The following MRPL13 variants were observed in gnomAD, a reference collection of about 807,000 sequenced individuals.
MRPL13 encodes the protein mitochondrial ribosomal protein L13, also known as large ribosomal subunit protein uL13m.
Under a neutral mutation model 29.0 loss-of-function variants are expected in MRPL13, and 33 were observed. The ratio of observed to expected loss-of-function variants is 1.14; its 90% confidence interval spans 0.86 to 1.52. MRPL13 has a LOEUF of 1.52. Ranked by LOEUF, MRPL13 falls within the 40% of genes most tolerant of loss-of-function variation. The pLI is 0.00. For synonymous variants in MRPL13, 77 were observed against 68.4 expected, an observed-to-expected ratio of 1.13 and a Z score of -0.62; for missense variants, 227 against 216.7, an observed-to-expected ratio of 1.05 and a Z score of -0.30.
intron 2 of MRPL13, among the ~76,000 whole-genome samples, chr8:120,442,482 A>T (rs540089526): frequency 6.6e-6 from 1 of 152,320 alleles, no homozygotes; most frequent in African/African-American, 2.4e-5. Context: ...TCTTTAAAAT[A>T]TCACATATTT....
In MRPL13 at chr8:120,395,824, T is replaced by C. The variant is rs1812516054; in HGVS notation, c.*280A>G. 7.1e-6 allele frequency: 2 copies of C among 283,454 alleles called. No homozygotes were observed. Among genetic ancestry groups the C allele is most frequent in the Non-Finnish European group, 6.5e-6 (1 of 153,916 alleles). 17.6% of individuals were successfully genotyped at this position (283,454 alleles called of 1,614,324 possible). On this transcript the variant is annotated 3_prime_UTR_variant, in exon 7 of 7. Coordinates refer to ENST00000306185, the MANE Select transcript of MRPL13 (RefSeq NM_014078.6). ...TTCTATACACAGGGTCTGTTTTTTA[T>C]CATTAAATGCAACACTAAATAGTCA...
chr8:120,425,333 A>T lies in MRPL13; in HGVS notation c.279T>A (p.Ala93=). The change falls in exon 4 of 7, where the codon GCT becomes GCA. Residue 93 remains alanine, a synonymous_variant. Transcript: ENST00000306185. ...CCACTGGATCCCTCAGGTGAAGCTGAGCAGCTGTTACTTGTCTAAATCCAC... is the reference window on the plus strand; with the variant it reads ...CCACTGGATCCCTCAGGTGAAGCTGTGCAGCTGTTACTTGTCTAAATCCAC... ...YPGGFRQVTA[A]QLHLRDPVAI... The T allele has an allele frequency of 6.2e-7, 1 of 1,612,962 alleles. No individual in the cohort carries two copies. The highest frequency in any genetic ancestry group is 1.3e-5 in the African/African-American group (1 of 75,020).
intron 5 of MRPL13, among the ~76,000 whole-genome samples, chr8:120,416,704 C>G (rs1812808106): frequency 6.6e-6 from 1 of 152,092 alleles, no homozygotes; most frequent in South Asian, 2.1e-4. Flanking sequence ...CCTAAGTTCC[C>G]CAACTGTTAG....
intron 4 of MRPL13, among the ~76,000 whole-genome samples, chr8:120,420,317 T>C (rs1812854847): frequency 6.6e-6 from 1 of 151,204 alleles, no homozygotes; most frequent in South Asian, 2.1e-4. Context: ...CTTCCTCTTT[T>C]ATTCTCTCAT....
rs546868503 is a variant in MRPL13, at chr8:120,421,311, ATATAT to A, written c.307-1378_307-1374del. On this transcript the variant is annotated intron_variant, in intron 4 of 6. Transcript: ENST00000306185. The stretch of plus-strand genomic sequence containing the variant: ...AGAACATAAGGAAAGGGCTAAATCG[ATATAT>A]TTATTTGAAATTAGAATAATCTACA... 8.9e-4 allele frequency among the ~76,000 whole-genome samples: 136 copies of A among 152,006 alleles called. 1 individual carries two copies. Among genetic ancestry groups the A allele is most frequent in the African/African-American group, 3.1e-3 (128 of 41,540 alleles).
intron 2 of MRPL13, among the ~76,000 whole-genome samples, chr8:120,439,140 G>A (rs536755354): frequency 2.0e-5 from 3 of 152,290 alleles, no homozygotes; most frequent in South Asian, 2.1e-4. Flanking sequence ...GTTACTTGAC[G>A]CACATGTTCC....
chr8:120,444,874 G>T (rs1203610663), intron 1 of MRPL13, 194 bp downstream of exon 1: 2 of 553,876 alleles, frequency 3.6e-6, no homozygotes, highest in African/African-American at 1.9e-5. Context: ...TTGAAAAGAA[G>T]AGGGGACGAG....
chr8:120,407,361 G>A (rs1392629048), intron 6 of MRPL13, among the ~76,000 whole-genome samples: 2 of 152,114 alleles, frequency 1.3e-5, no homozygotes, highest in Admixed American at 1.3e-4. Flanking sequence ...GCTACATTAA[G>A]ATAAGTGACA....
At chr8:120,420,088 A>G (rs1426732704) in intron 4 of MRPL13, 150 bp from the exon 5 acceptor site, 4 of 427,444 alleles carry the variant, frequency 9.4e-6, no homozygotes, top group African/African-American at 6.1e-5. Context: ...TGGAAGCAAC[A>G]GAAAAGAAAC....
chr8:120,444,620 C>G (rs1288566441), intron 1 of MRPL13, among the ~76,000 whole-genome samples: 1 of 152,130 alleles, frequency 6.6e-6, no homozygotes, highest in Non-Finnish European at 1.5e-5. Flanking sequence ...TGCTTCTGTC[C>G]TCTACTAACC....
chr8:120,443,290 T>G lies in MRPL13; in HGVS notation c.46A>C (p.Arg16=). 6.3e-7 allele frequency: 1 copy of G among 1,578,434 alleles called. No homozygotes were observed. Among genetic ancestry groups the G allele is most frequent in the Non-Finnish European group, 8.6e-7 (1 of 1,167,538 alleles). ...TTCCCATCTAAGAGATACCATATTC[T>G]AGCAAAAGTGGCCCATTGCTTGGGG... The part of the protein sequence containing the change: ...RAPQQWATFA[R]IWYLLDGKMQ... The change falls in exon 2 of 7, where the codon AGA becomes CGA. Residue 16 remains arginine, a synonymous_variant. Transcript: ENST00000306185.
rs143113489 is a variant in MRPL13 at position 120,400,871 on chromosome 8, A to G, written c.516-4746T>C. Among the ~76,000 whole-genome samples, 347 of 152,192 alleles carry G rather than the reference A, an allele frequency of 2.3e-3. 12 individuals carry two copies. In the East Asian group the frequency reaches 0.056, roughly 25 times the overall value. ...AAACCACCATGCAAGGATACTATAA[A>G]CAGCTCTATACACATAAAGTAGAAA... is the stretch of plus-strand genomic sequence containing the variant. On this transcript the variant is annotated intron_variant, in intron 6 of 6. Transcript: ENST00000306185.
At chr8:120,409,241 T>G (rs763485202) in intron 6 of MRPL13, among the ~76,000 whole-genome samples, 2 of 152,190 alleles carry the variant, frequency 1.3e-5, no homozygotes, top group Non-Finnish European at 2.9e-5. Context: ...TGAATTAACA[T>G]GTAAGGAAAA....
At chr8:120,437,166 A>G (rs1406769778) in intron 2 of MRPL13, among the ~76,000 whole-genome samples, 2 of 152,196 alleles carry the variant, frequency 1.3e-5, no homozygotes, top group African/African-American at 4.8e-5. Flanking sequence ...TTGCAAAATT[A>G]AAATGCTGTG....
chr8:120,431,493 A>T (rs930841548), intron 3 of MRPL13, among the ~76,000 whole-genome samples: 1 of 152,224 alleles, frequency 6.6e-6, no homozygotes, highest in South Asian at 2.1e-4. Context: ...TTTAGCTGAC[A>T]GTAAACTCAA....
rs556626488 is a variant in MRPL13 at position 120,397,479 on chromosome 8, G to C, written c.516-1354C>G. Among the ~76,000 whole-genome samples, 5 of 152,258 alleles carry C rather than the reference G, an allele frequency of 3.3e-5. No individual in the cohort carries two copies. In the South Asian group the frequency reaches 8.3e-4, roughly 25 times the overall value. ...ACTGCCTGAGATGGACAAGTTCCTGGGGGGAGGGGCAGCTGCCATTTCTGT... is the reference window on the plus strand; with the variant it reads ...ACTGCCTGAGATGGACAAGTTCCTGCGGGGAGGGGCAGCTGCCATTTCTGT... On this transcript the variant is annotated intron_variant, in intron 6 of 6. Coordinates refer to ENST00000306185, the MANE Select transcript of MRPL13 (RefSeq NM_014078.6).
intron 2 of MRPL13, among the ~76,000 whole-genome samples, chr8:120,440,002 AC>A (rs1315902807): frequency 6.6e-6 from 1 of 152,230 alleles, no homozygotes. Context: ...TTACATTCCA[AC>A]TATGTGTGAA....
intron 5 of MRPL13, among the ~76,000 whole-genome samples, chr8:120,416,331 A>G (rs893140898): frequency 1.3e-5 from 2 of 152,044 alleles, no homozygotes; most frequent in Admixed American, 1.3e-4. Flanking sequence ...CGTCTCTACT[A>G]AAAATACAAA....
chr8:120,433,537 G>C (rs1165222273), intron 2 of MRPL13, among the ~76,000 whole-genome samples: 1 of 151,978 alleles, frequency 6.6e-6, no homozygotes, highest in Non-Finnish European at 1.5e-5. Context: ...AATATCTACA[G>C]AGAGCAAAAA....
Sources: gnomAD v4.1 joint callset for allele counts (sites outside exome capture counted in the v4.1 genomes callset) on GRCh38, gnomAD v4.1.1 for gene constraint, MANE v1.5 for transcripts, NCBI Gene and HGNC (gene_info 2026-07-23, HGNC 2026-07-21) for gene names.